The following RERE variants were observed in gnomAD, a reference collection of about 807,000 sequenced individuals.
The protein encoded by RERE is arginine-glutamic acid dipeptide repeats.
Under a neutral mutation model 146.1 loss-of-function variants are expected in RERE, and 40 were observed. That is an observed-to-expected ratio of 0.27 (90% CI 0.21 to 0.36). The LOEUF is 0.36. Ranked by LOEUF, RERE falls within the 10% of genes least tolerant of loss-of-function variation. RERE has a pLI of 1.00. For synonymous variants in RERE, 1,003 were observed against 866.0 expected, an observed-to-expected ratio of 1.16 and a Z score of -2.78; for missense variants, 1,933 against 2,138.7, an observed-to-expected ratio of 0.90 and a Z score of 1.90.
At chr1:8,452,938 C>A (rs1225171860) in intron 11 of RERE, among the ~76,000 whole-genome samples, 1 of 152,118 alleles carries the variant, frequency 6.6e-6, no homozygotes, top group African/African-American at 2.4e-5. Context: ...GATGTTCAAA[C>A]CAGTGGAGAG....
At chr1:8,639,472 G>A (rs1320450971) in intron 2 of RERE, among the ~76,000 whole-genome samples, 5 of 152,092 alleles carry the variant, frequency 3.3e-5, no homozygotes, top group South Asian at 2.1e-4. Flanking sequence ...AGATAGCTCC[G>A]AGTTTTTCTC....
intron 1 of RERE, among the ~76,000 whole-genome samples, chr1:8,698,468 G>A (rs974879057): frequency 1.1e-4 from 17 of 152,090 alleles, no homozygotes; most frequent in African/African-American, 3.9e-4. Context: ...TGACTTAAGC[G>A]ATTTTTCAAA....
At chr1:8,651,546 G>A (rs1166452901) in intron 2 of RERE, among the ~76,000 whole-genome samples, 1 of 152,078 alleles carries the variant, frequency 6.6e-6, no homozygotes, top group Non-Finnish European at 1.5e-5. Context: ...AACAAAGGAT[G>A]TTATTGTAGT....
chr1:8,776,562 T>C (rs1641067302), intron 1 of RERE, among the ~76,000 whole-genome samples: 1 of 152,194 alleles, frequency 6.6e-6, no homozygotes, highest in African/African-American at 2.4e-5. Flanking sequence ...CCTCCCAAAG[T>C]GCAGGACTAC....
chr1:8,515,752 C>T (rs1240523596), intron 7 of RERE, among the ~76,000 whole-genome samples: 2 of 152,108 alleles, frequency 1.3e-5, no homozygotes, highest in Non-Finnish European at 2.9e-5. Context: ...TGGTCATCAA[C>T]TTCGGAAGAA....
chr1:8,506,336 T>C (rs1234400109), intron 8 of RERE, among the ~76,000 whole-genome samples: 1 of 152,230 alleles, frequency 6.6e-6, no homozygotes, highest in Non-Finnish European at 1.5e-5. Context: ...TCTGTATCAG[T>C]TATAACCCCA....
rs542028819 is a variant in RERE at position 8,446,193 on chromosome 1, C to T, written c.1203+19732G>A. Among the ~76,000 whole-genome samples, 15 of 152,324 alleles carry T rather than the reference C, an allele frequency of 9.8e-5. No homozygotes were observed. The East Asian group carries it at 1.3e-3, about 14-fold the overall frequency. ...TAAGAATGTTGAATATTGGCCCCCA[C>T]GGTCTTCTGGCTTGTAGGGTTTCTG... On this transcript the variant is annotated intron_variant, in intron 11 of 22. Coordinates refer to ENST00000400908, the MANE Select transcript of RERE (RefSeq NM_001042681.2).
intron 6 of RERE, among the ~76,000 whole-genome samples, chr1:8,546,236 C>T (rs1477934121): frequency 6.6e-6 from 1 of 151,116 alleles, no homozygotes; most frequent in Non-Finnish European, 1.5e-5. Context: ...CCAGCTTGGC[C>T]TCTCAAAATG....
At chr1:8,518,939 CAAAT>C (rs1272630134) in intron 7 of RERE, among the ~76,000 whole-genome samples, 8 of 152,150 alleles carry the variant, frequency 5.3e-5, no homozygotes, top group Admixed American at 2.6e-4. Context: ...AATAAATAAA[CAAAT>C]AAACAAACAA....
intron 9 of RERE, 88 bp from the exon 10 acceptor site, chr1:8,495,250 C>G: frequency 2.1e-6 from 2 of 964,540 alleles, no homozygotes; most frequent in Non-Finnish European, 3.3e-6. Context: ...ACATTTCCAG[C>G]CCAGAACAAA....
At chr1:8,576,839 T>A (rs1036671342) in intron 4 of RERE, among the ~76,000 whole-genome samples, 3 of 152,180 alleles carry the variant, frequency 2.0e-5, no homozygotes, top group Non-Finnish European at 4.4e-5. Context: ...ACAAACATAT[T>A]CATCTGTTTC....
At chr1:8,605,574 C>T (rs1040380518) in intron 4 of RERE, among the ~76,000 whole-genome samples, 25 of 151,762 alleles carry the variant, frequency 1.6e-4, no homozygotes, top group African/African-American at 6.0e-4. Flanking sequence ...TGTGGTAAAA[C>T]CCCATCTCTA....
chr1:8,786,162 C>G, intron 1 of RERE: 1 of 570,476 alleles, frequency 1.8e-6, no homozygotes, highest in Non-Finnish European at 3.1e-6. Flanking sequence ...TTTATTTAAA[C>G]TGATCAGACT....
At chr1:8,516,221 T>A in intron 7 of RERE, among the ~76,000 whole-genome samples, 1 of 42,862 alleles carries the variant, frequency 2.3e-5, no homozygotes, top group East Asian at 5.8e-4. Context: ...CAAGACTCTC[T>A]CAGAGGAAAA....
intron 1 of RERE, among the ~76,000 whole-genome samples, chr1:8,683,690 C>A (rs1639025159): frequency 2.0e-5 from 3 of 152,156 alleles, no homozygotes; most frequent in Admixed American, 1.3e-4. Context: ...GGTCTGTAAA[C>A]CCAGCACTTT....
chr1:8,561,204 T>A (rs1015576512), intron 4 of RERE, among the ~76,000 whole-genome samples: 29 of 152,220 alleles, frequency 1.9e-4, no homozygotes, highest in Admixed American at 1.4e-3. Context: ...GAAGGAACTA[T>A]TGGATTCCCC....
chr1:8,577,226 A>G (rs552896796), intron 4 of RERE, among the ~76,000 whole-genome samples: 14 of 151,888 alleles, frequency 9.2e-5, no homozygotes, highest in Non-Finnish European at 1.9e-4. Flanking sequence ...GTTTTTTTAA[A>G]TTATATAAAT....
chr1:8,520,661 G>A (rs1259242174), intron 7 of RERE, among the ~76,000 whole-genome samples: 2 of 147,374 alleles, frequency 1.4e-5, no homozygotes, highest in African/African-American at 5.0e-5. Flanking sequence ...AGGCTCCTAG[G>A]GAACTTTACT....
intron 10 of RERE, among the ~76,000 whole-genome samples, chr1:8,479,421 C>T (rs1345297202): frequency 6.6e-6 from 1 of 151,502 alleles, no homozygotes; most frequent in East Asian, 1.9e-4. Context: ...ACATCAAATC[C>T]CTGGAACCTA....
Sources: allele counts gnomAD v4.1 joint callset (sites outside exome capture counted in the v4.1 genomes callset), GRCh38; gene constraint gnomAD v4.1.1; transcripts MANE v1.5; gene names NCBI Gene and HGNC (gene_info 2026-07-23, HGNC 2026-07-21).